The following USP8 variants were observed in gnomAD, a reference collection of about 807,000 sequenced individuals.
USP8 encodes the protein ubiquitin specific peptidase 8, also known as ubiquitin carboxyl-terminal hydrolase 8.
In USP8, 27 loss-of-function variants were observed where a neutral mutation model predicts 130.0. The observed-to-expected ratio is 0.21, with a 90% CI of 0.15 to 0.29. The LOEUF (loss-of-function observed/expected upper bound fraction) is 0.29. Ranked by LOEUF, USP8 falls within the 10% of genes least tolerant of loss-of-function variation. USP8 has a pLI of 1.00. For missense variants in USP8, 1,029 were observed against 1,312.2 expected, an observed-to-expected ratio of 0.78 and a Z score of 3.33; for synonymous variants, 392 against 444.1, an observed-to-expected ratio of 0.88 and a Z score of 1.48.
intron 15 of USP8, chr15:50,493,824 T>C (rs971567737): frequency 3.1e-6 from 2 of 644,274 alleles, no homozygotes; most frequent in Admixed American, 2.1e-5. Flanking sequence ...AACCTCGCTG[T>C]CATGAACTGG....
intron 4 of USP8, among the ~76,000 whole-genome samples, chr15:50,450,075 A>G (rs576047360): frequency 8.7e-5 from 13 of 150,234 alleles, no homozygotes; most frequent in Admixed American, 2.0e-4. Context: ...TTGTATTTTT[A>G]GTAGAGACGG....
At chr15:50,441,265 A>G in intron 2 of USP8, 84 bp from the exon 3 acceptor site, 1 of 1,320,214 alleles carries the variant, frequency 7.6e-7, no homozygotes, top group Non-Finnish European at 9.9e-7. Context: ...TCCCTGATAA[A>G]GATTATCTGT....
intron 7 of USP8, among the ~76,000 whole-genome samples, chr15:50,466,273 G>A (rs534691084): frequency 4.6e-5 from 7 of 152,230 alleles, no homozygotes; most frequent in East Asian, 1.9e-4. Context: ...GACCTGAAGC[G>A]TAGAGTGCTT....
chr15:50,469,221 A>G (rs2141289494), intron 7 of USP8, among the ~76,000 whole-genome samples: 1 of 152,140 alleles, frequency 6.6e-6, no homozygotes, highest in East Asian at 1.9e-4. Flanking sequence ...ACTGGATATG[A>G]TTTCGTTTTT....
intron 8 of USP8, among the ~76,000 whole-genome samples, chr15:50,476,482 C>G (rs1350575700): frequency 6.6e-6 from 1 of 152,068 alleles, no homozygotes; most frequent in Non-Finnish European, 1.5e-5. Flanking sequence ...TGATATAGCT[C>G]TATAGTGATG....
intron 2 of USP8, among the ~76,000 whole-genome samples, chr15:50,439,658 C>G (rs1011080723): frequency 5.3e-5 from 8 of 150,838 alleles, no homozygotes; most frequent in Non-Finnish European, 1.2e-4. Flanking sequence ...GGCGTGGTGG[C>G]GCACATCTGT....
Position 50,492,959 on chromosome 15 carries a change from T to G in USP8, c.2447+46T>G, listed in dbSNP as rs895933264. 10 of 1,527,758 alleles carry G rather than the reference T, an allele frequency of 6.5e-6. No individual in the cohort carries two copies. The African/African-American group carries it at 1.4e-4, about 21-fold the overall frequency. 94.6% of individuals were successfully genotyped at this position (1,527,758 alleles called of 1,614,324 possible). A position where few individuals can be genotyped will look rare whatever the true frequency, so the allele number is the denominator to read the frequency against. ...TTGCATTATAATGCTAAAAGGATGA[T>G]CTAACCATATTTACTGTCTTAGTCC... On this transcript the variant is annotated intron_variant, in intron 15 of 19. Transcript: ENST00000307179.
At chr15:50,490,835 G>A (rs891173469) in intron 14 of USP8, among the ~76,000 whole-genome samples, 6 of 152,082 alleles carry the variant, frequency 3.9e-5, no homozygotes, top group South Asian at 2.1e-4. Flanking sequence ...CTGTGGTCCC[G>A]GAATCTCCCT....
rs1595980889 is a variant in USP8 at position 50,489,842 on chromosome 15, G to A, written c.1932G>A (p.Met644Ile). 5 of 1,580,524 alleles carry A rather than the reference G, an allele frequency of 3.2e-6. No homozygotes were observed. Among genetic ancestry groups the A allele is most frequent in the Non-Finnish European group, 4.3e-6 (5 of 1,163,630 alleles). ...EPLTRARSEE[M>I]GRIVPGLPSG... Reference sequence around the variant, plus strand: ...TGACAAGAGCACGAAGTGAAGAAATGGGGAGGATCGTACCAGGACTGCCTT... The same window carrying A: ...TGACAAGAGCACGAAGTGAAGAAATAGGGAGGATCGTACCAGGACTGCCTT... Residue 644 changes from methionine (M) to isoleucine (I), a missense_variant, in exon 13 of 20, where the codon ATG becomes ATA. Coordinates refer to ENST00000307179, the MANE Select transcript of USP8 (RefSeq NM_005154.5).
At chr15:50,457,860 C>CAA (rs200645587) in intron 4 of USP8, among the ~76,000 whole-genome samples, 4,161 of 85,850 alleles carry the variant, frequency 0.048, 100 homozygotes, top group Middle Eastern at 0.071. Flanking sequence ...GACTCTGTCT[C>CAA]AAAAAAAAAA....
Position 50,507,695 on chromosome 15 carries a change from G to A in USP8, c.*8607G>A, listed in dbSNP as rs2141347111. On this transcript the variant is annotated 3_prime_UTR_variant, in exon 20 of 20. Transcript: ENST00000307179. Reference sequence around the variant, plus strand: ...ATTGATCAAGCAGACAAAAATATTAGTATAGATACAGCTTTTACAATATAT... The same window carrying A: ...ATTGATCAAGCAGACAAAAATATTAATATAGATACAGCTTTTACAATATAT... 6.6e-6 allele frequency: 1 copy of A among 152,232 alleles called. No homozygotes were observed. Among genetic ancestry groups the A allele is most frequent in the Admixed American group, 6.5e-5 (1 of 15,276 alleles). 9.4% of individuals were successfully genotyped at this position (152,232 alleles called of 1,614,324 possible).
chr15:50,483,990 A>G (rs1355608903), intron 11 of USP8, among the ~76,000 whole-genome samples: 1 of 152,180 alleles, frequency 6.6e-6, no homozygotes, highest in East Asian at 1.9e-4. Flanking sequence ...GTCATGGTGA[A>G]TATACATTAA....
At position 50,495,075 on chromosome 15, in the gene USP8, T is replaced by C. The variant is rs1413166963; in HGVS notation, c.2659-773T>C. Among the ~76,000 whole-genome samples the C allele has an allele frequency of 4.7e-4, 71 of 151,766 alleles. 1 individual carries two copies. The highest frequency in any genetic ancestry group is 8.8e-5 in the Non-Finnish European group (6 of 67,946). ...ACCAAATGACTCATGTGACTAGTTA[T>C]TATAAAGGCATGTATGTATACATAA... On this transcript the variant is annotated intron_variant, in intron 16 of 19. Coordinates refer to ENST00000307179, the MANE Select transcript of USP8 (RefSeq NM_005154.5).
Position 50,506,783 on chromosome 15 carries a change from CCT to C in USP8, c.*7697_*7698del, listed in dbSNP as rs927522449. On this transcript the variant is annotated 3_prime_UTR_variant, in exon 20 of 20. Coordinates refer to ENST00000307179, the MANE Select transcript of USP8 (RefSeq NM_005154.5). ...GACTATCCTGGCCAACACGGTGAAACCTCATCTCTACAAAAATACAAAAAATT... is the reference window on the plus strand; with the variant it reads ...GACTATCCTGGCCAACACGGTGAAACCATCTCTACAAAAATACAAAAAATT... 6.6e-5 allele frequency: 10 copies of C among 151,348 alleles called. No homozygotes were observed. The highest frequency in any genetic ancestry group is 2.4e-4 in the African/African-American group (10 of 41,078). 9.4% of individuals were successfully genotyped at this position (151,348 alleles called of 1,614,324 possible).
intron 13 of USP8, 29 bp downstream of exon 13, chr15:50,489,910 C>A: frequency 6.7e-7 from 1 of 1,484,202 alleles, no homozygotes; most frequent in Non-Finnish European, 9.1e-7. Flanking sequence ...AGTAAAATAG[C>A]CACTGTGTTC....
intron 4 of USP8, among the ~76,000 whole-genome samples, chr15:50,454,929 C>T (rs776694264): frequency 6.6e-6 from 1 of 152,056 alleles, no homozygotes; most frequent in Non-Finnish European, 1.5e-5. Context: ...AGGCACACAC[C>T]TCTGCTCCTG....
chr15:50,426,380 T>C (rs958208153), intron 1 of USP8, among the ~76,000 whole-genome samples: 1 of 152,216 alleles, frequency 6.6e-6, no homozygotes, highest in Admixed American at 6.5e-5. Context: ...CAGTTACCTA[T>C]TGCTGCATAA....
chr15:50,437,442 T>C lies in USP8; in HGVS notation c.-65-1567T>C, dbSNP rs77766636. On this transcript the variant is annotated intron_variant, in intron 1 of 19. Coordinates refer to ENST00000307179, the MANE Select transcript of USP8 (RefSeq NM_005154.5). ...TTTATATAGAGTATCGTATTACACA[T>C]ATTCTTGGTTTTTCATTCAACATTG... is the stretch of plus-strand genomic sequence containing the variant. 3.8e-3 allele frequency among the ~76,000 whole-genome samples: 573 copies of C among 152,356 alleles called. 10 individuals carry two copies. In the East Asian group the frequency reaches 0.06, roughly 16 times the overall value.
intron 18 of USP8, 100 bp from the exon 19 acceptor site, chr15:50,498,496 A>T (rs531851730): frequency 8.6e-6 from 12 of 1,392,812 alleles, no homozygotes; most frequent in Admixed American, 5.2e-5. Context: ...TGTATTTGAA[A>T]TGGATTTTAC....
Sources: gnomAD v4.1 joint callset for allele counts (sites outside exome capture counted in the v4.1 genomes callset) on GRCh38, gnomAD v4.1.1 for gene constraint, MANE v1.5 for transcripts, NCBI Gene and HGNC (gene_info 2026-07-23, HGNC 2026-07-21) for gene names.